Variants in FGGY observed in about 807,000 individuals in gnomAD.
FGGY encodes FGGY carbohydrate kinase domain containing, also known as FGGY carbohydrate kinase domain-containing protein.
Under a neutral mutation model 71.3 loss-of-function variants are expected in FGGY, and 72 were observed. That is an observed-to-expected ratio of 1.01 (90% CI 0.84 to 1.23). The LOEUF is 1.23. Among genes scored for constraint, FGGY ranks in the 50% most tolerant of loss-of-function variants. FGGY has a pLI of 0.00. For synonymous variants in FGGY, 251 were observed against 250.3 expected, an observed-to-expected ratio of 1.00 and a Z score of -0.02; for missense variants, 668 against 682.3, an observed-to-expected ratio of 0.98 and a Z score of 0.23.
chr1:59,483,312 T>G (rs2093556688), intron 6 of FGGY, among the ~76,000 whole-genome samples: 1 of 152,204 alleles, frequency 6.6e-6, no homozygotes, highest in African/African-American at 2.4e-5. Flanking sequence ...CAGACTAATA[T>G]TTACTGAGTA....
chr1:59,524,743 C>T (rs2094930727), intron 7 of FGGY, among the ~76,000 whole-genome samples: 1 of 152,164 alleles, frequency 6.6e-6, no homozygotes, highest in Admixed American at 6.5e-5. Context: ...AAAGAGCTAC[C>T]CACTTTGGGT....
intron 5 of FGGY, among the ~76,000 whole-genome samples, chr1:59,419,319 A>G (rs1011910607): frequency 6.6e-6 from 1 of 152,294 alleles, no homozygotes; most frequent in African/African-American, 2.4e-5. Context: ...TAAGCTTTGT[A>G]TTTTGTATTA....
intron 4 of FGGY, among the ~76,000 whole-genome samples, chr1:59,360,721 A>G (rs185267008): frequency 2.0e-5 from 3 of 152,364 alleles, no homozygotes; most frequent in Admixed American, 2.0e-4. Context: ...TATTTTTCAT[A>G]TACTTACCTT....
At chr1:59,425,252 C>T (rs1192687254) in intron 5 of FGGY, among the ~76,000 whole-genome samples, 2 of 152,162 alleles carry the variant, frequency 1.3e-5, no homozygotes, top group South Asian at 2.1e-4. Context: ...GACGTAGTAA[C>T]ATTTGATTAA....
chr1:59,675,869 CTT>C (rs2097430463), intron 14 of FGGY, among the ~76,000 whole-genome samples: 1 of 151,964 alleles, frequency 6.6e-6, no homozygotes, highest in Non-Finnish European at 1.5e-5. Context: ...GGAGGTGGGT[CTT>C]TGGGAGCTAA....
chr1:59,511,563 G>C (rs373792506), intron 6 of FGGY, among the ~76,000 whole-genome samples: 1 of 152,186 alleles, frequency 6.6e-6, no homozygotes, highest in South Asian at 2.1e-4. Flanking sequence ...ACTAGGTTGG[G>C]GGCAAGGACT....
At chr1:59,400,618 A>G (rs184339973) in intron 5 of FGGY, among the ~76,000 whole-genome samples, 1 of 151,488 alleles carries the variant, frequency 6.6e-6, no homozygotes, top group African/African-American at 2.4e-5. Context: ...TTCTTGTAAC[A>G]TATTTTGGAG....
At chr1:59,374,454 T>C (rs1444655681) in intron 4 of FGGY, among the ~76,000 whole-genome samples, 1 of 152,198 alleles carries the variant, frequency 6.6e-6, no homozygotes, top group East Asian at 1.9e-4. Context: ...ACACTGTTGT[T>C]GGGACTGTAA....
chr1:59,430,765 A>G (rs74833316), intron 5 of FGGY, among the ~76,000 whole-genome samples: 1,762 of 152,216 alleles, frequency 0.012, 32 homozygotes, highest in African/African-American at 0.04. Flanking sequence ...ACAAAATGTC[A>G]TGCCTTCCCA....
chr1:59,522,103 A>G (rs770038930), intron 7 of FGGY, among the ~76,000 whole-genome samples: 7 of 152,244 alleles, frequency 4.6e-5, no homozygotes, highest in Non-Finnish European at 1.0e-4. Flanking sequence ...ACTATTCACT[A>G]TTGTGAGCTC....
intron 6 of FGGY, among the ~76,000 whole-genome samples, chr1:59,478,564 A>T (rs1028888213): frequency 1.3e-5 from 2 of 152,250 alleles, no homozygotes; most frequent in African/African-American, 2.4e-5. Context: ...ATAAGTAAGC[A>T]TTAGAGATAC....
intron 4 of FGGY, among the ~76,000 whole-genome samples, chr1:59,375,689 G>A (rs1449083486): frequency 1.3e-5 from 2 of 152,036 alleles, no homozygotes; most frequent in East Asian, 1.9e-4. Flanking sequence ...CGGTTAGTGT[G>A]GTCTCAAAAA....
intron 2 of FGGY, among the ~76,000 whole-genome samples, chr1:59,325,489 A>G (rs35391619): frequency 0.067 from 10,189 of 152,226 alleles, 434 homozygotes; most frequent in Non-Finnish European, 0.095. Context: ...GAGGGTGAGA[A>G]GCCCCTCTCT....
At chr1:59,623,827 A>G (rs1228752364) in intron 9 of FGGY, among the ~76,000 whole-genome samples, 1 of 152,206 alleles carries the variant, frequency 6.6e-6, no homozygotes, top group East Asian at 1.9e-4. Context: ...CTGGAGGCAC[A>G]TTAGGCATTT....
At chr1:59,700,949 A>C (rs1391290411) in intron 14 of FGGY, among the ~76,000 whole-genome samples, 2 of 152,136 alleles carry the variant, frequency 1.3e-5, no homozygotes, top group African/African-American at 4.8e-5. Context: ...GAAGGAAAGC[A>C]AAAAAAGCAG....
chr1:59,662,899 C>T (rs2097290451), intron 12 of FGGY, among the ~76,000 whole-genome samples: 1 of 152,170 alleles, frequency 6.6e-6, no homozygotes, highest in Admixed American at 6.5e-5. Flanking sequence ...TATTGAGGAA[C>T]TTTTATTTTC....
At chr1:59,647,271 G>C (rs2097103973) in intron 11 of FGGY, among the ~76,000 whole-genome samples, 1 of 152,194 alleles carries the variant, frequency 6.6e-6, no homozygotes, top group South Asian at 2.1e-4. Flanking sequence ...TCGAGAAACA[G>C]TATATGAGCA....
chr1:59,582,760 C>T (rs75513842), intron 8 of FGGY, among the ~76,000 whole-genome samples: 2,203 of 150,240 alleles, frequency 0.015, 271 homozygotes, highest in African/African-American at 0.053. Context: ...TCCTTGAGGA[C>T]AGATATTGCG....
At chr1:59,602,644 G>A (rs1469676780) in intron 8 of FGGY, among the ~76,000 whole-genome samples, 2 of 152,142 alleles carry the variant, frequency 1.3e-5, no homozygotes, top group Non-Finnish European at 2.9e-5. Context: ...ATGACTCTGA[G>A]CCTTGTCTAC....
Sources: allele counts gnomAD v4.1 joint callset (sites outside exome capture counted in the v4.1 genomes callset), GRCh38; gene constraint gnomAD v4.1.1; transcripts MANE v1.5; gene names NCBI Gene and HGNC (gene_info 2026-07-23, HGNC 2026-07-21).